The following FANCD2OS variants were observed in gnomAD, a reference collection of about 807,000 sequenced individuals.
FANCD2OS encodes FANCD2 opposite strand, also known as FANCD2 opposite strand protein.
A neutral mutation model predicts 13.2 loss-of-function variants in FANCD2OS; 11 were observed. The ratio of observed to expected loss-of-function variants is 0.83; its 90% confidence interval spans 0.52 to 1.38. FANCD2OS has a LOEUF of 1.38. FANCD2OS is among the 40% of genes most tolerant of loss of function. FANCD2OS has a pLI of 0.00. For missense variants in FANCD2OS, 217 were observed against 213.9 expected, an observed-to-expected ratio of 1.01 and a Z score of -0.09; for synonymous variants, 69 against 84.5, an observed-to-expected ratio of 0.82 and a Z score of 1.01.
chr3:10,096,160 C>T (rs962284993), intron 2 of FANCD2OS, among the ~76,000 whole-genome samples: 9 of 152,274 alleles, frequency 5.9e-5, no homozygotes, highest in African/African-American at 9.6e-5. Context: ...CTTTAGCTGC[C>T]ATTCTCTTTG....
At chr3:10,097,436 A>G (rs1307092423) in intron 2 of FANCD2OS, among the ~76,000 whole-genome samples, 1 of 152,226 alleles carries the variant, frequency 6.6e-6, no homozygotes, top group Non-Finnish European at 1.5e-5. Flanking sequence ...CTAGGTGTGC[A>G]TTCTCTTTCT....
chr3:10,100,342 T>G (rs904651405), downstream of FANCD2OS, among the ~76,000 whole-genome samples: 11 of 152,208 alleles, frequency 7.2e-5, no homozygotes, highest in African/African-American at 2.7e-4. Context: ...CAGAACAGAA[T>G]TTTGTACTGG....
At chr3:10,094,959 T>C in intron 2 of FANCD2OS, 1 of 534,074 alleles carries the variant, frequency 1.9e-6, no homozygotes, top group East Asian at 3.2e-5. Flanking sequence ...CATGGTAACC[T>C]ATGTAAAACT....
intron 2 of FANCD2OS, among the ~76,000 whole-genome samples, chr3:10,097,774 T>C (rs1279479199): frequency 1.3e-5 from 2 of 152,188 alleles, no homozygotes; most frequent in Admixed American, 1.3e-4. Flanking sequence ...ACTGGGGAAG[T>C]GGTAAGTGTC....
At chr3:10,094,515 A>T (rs1311508100) in intron 2 of FANCD2OS, 1 of 755,156 alleles carries the variant, frequency 1.3e-6, no homozygotes, top group Non-Finnish European at 2.4e-6. Flanking sequence ...TGGACTGAAT[A>T]TTCCAAAGTA....
chr3:10,103,185 C>G (rs1695370668), downstream of FANCD2OS: 1 of 361,064 alleles, frequency 2.8e-6, no homozygotes, highest in African/African-American at 2.2e-5. Flanking sequence ...GGCAGGTCAC[C>G]TGAGGTCGGG....
chr3:10,085,086 G>A (rs889107178), intron 2 of FANCD2OS, among the ~76,000 whole-genome samples: 4 of 152,162 alleles, frequency 2.6e-5, no homozygotes, highest in African/African-American at 4.8e-5. Context: ...AGGAGAAGGG[G>A]TAAGTACCAC....
intron 2 of FANCD2OS, chr3:10,085,727 T>G: frequency 1.1e-6 from 1 of 886,492 alleles, no homozygotes; most frequent in Non-Finnish European, 1.9e-6. Context: ...CTATTGATGG[T>G]ACAGACTGGA....
intron 1 of FANCD2OS, among the ~76,000 whole-genome samples, chr3:10,105,765 AAAAAAATTATAT>A (rs1695461034): frequency 6.4e-5 from 4 of 62,670 alleles, no homozygotes; most frequent in African/African-American, 4.2e-4. Context: ...AAAAAAAAAA[AAAAAAATTATAT>A]ATATATATAT....
At chr3:10,093,240 A>G (rs750675776) in intron 2 of FANCD2OS, 2 of 1,537,918 alleles carry the variant, frequency 1.3e-6, no homozygotes, top group Non-Finnish European at 9.0e-7. Flanking sequence ...GGAGTGCTCA[A>G]AGGAGCAGAT....
intron 1 of FANCD2OS, among the ~76,000 whole-genome samples, chr3:10,107,597 T>C (rs1695536950): frequency 6.6e-6 from 1 of 151,620 alleles, no homozygotes; most frequent in Admixed American, 6.6e-5. Context: ...CCCCGGATCC[T>C]TTTCTTGCCA....
At chr3:10,082,184 C>G (rs1280159204) in intron 2 of FANCD2OS, among the ~76,000 whole-genome samples, 1 of 152,236 alleles carries the variant, frequency 6.6e-6, no homozygotes. Context: ...CACCAGTTGC[C>G]TGAACCAGAA....
chr3:10,103,690 C>G (rs1383170627), downstream of FANCD2OS, among the ~76,000 whole-genome samples: 1 of 152,224 alleles, frequency 6.6e-6, no homozygotes, highest in Non-Finnish European at 1.5e-5. Flanking sequence ...CTACCAAGTT[C>G]TTTCTTGCCA....
At chr3:10,097,776 G>A (rs1205024232) in intron 2 of FANCD2OS, among the ~76,000 whole-genome samples, 3 of 152,322 alleles carry the variant, frequency 2.0e-5, no homozygotes, top group Admixed American at 1.3e-4. Flanking sequence ...TGGGGAAGTG[G>A]TAAGTGTCCA....
intron 2 of FANCD2OS, among the ~76,000 whole-genome samples, chr3:10,086,561 A>G (rs1575839092): frequency 6.6e-6 from 1 of 151,154 alleles, no homozygotes; most frequent in African/African-American, 2.4e-5. Context: ...AGCTCACTGC[A>G]CCCTCCACCT....
At chr3:10,091,092 T>C (rs1324108933) in intron 2 of FANCD2OS, among the ~76,000 whole-genome samples, 2 of 151,426 alleles carry the variant, frequency 1.3e-5, no homozygotes, top group African/African-American at 4.8e-5. Context: ...CTTTTTTTTT[T>C]CTTTTTGAGA....
downstream of FANCD2OS, chr3:10,098,744 T>A (rs780000481): frequency 3.5e-5 from 57 of 1,613,974 alleles, no homozygotes; most frequent in Non-Finnish European, 3.7e-5. Flanking sequence ...GTCCCAAAAT[T>A]CCCAGGAGAG....
chr3:10,097,501 T>C (rs1695042909), intron 2 of FANCD2OS, among the ~76,000 whole-genome samples: 1 of 152,212 alleles, frequency 6.6e-6, no homozygotes, highest in South Asian at 2.1e-4. Context: ...CCATTTGCTT[T>C]TGAAGGAAGA....
chr3:10,099,033 T>G (rs1163558928), downstream of FANCD2OS: 2 of 1,608,438 alleles, frequency 1.2e-6, no homozygotes, highest in Admixed American at 3.4e-5. Flanking sequence ...TCTCGAGTTG[T>G]GGCATTTGTT....
Sources: allele counts gnomAD v4.1 joint callset (sites outside exome capture counted in the v4.1 genomes callset), GRCh38; gene constraint gnomAD v4.1.1; transcripts MANE v1.5; gene names NCBI Gene and HGNC (gene_info 2026-07-23, HGNC 2026-07-21).